Variants in SPAG16 observed in about 807,000 individuals in gnomAD.
SPAG16 encodes sperm-associated antigen 16 protein.
In SPAG16, 86 loss-of-function variants were observed where a neutral mutation model predicts 80.4. The observed-to-expected ratio is 1.07, with a 90% CI of 0.90 to 1.28. The LOEUF (loss-of-function observed/expected upper bound fraction) is 1.28, where lower values mean the gene tolerates loss of function less well. SPAG16 is among the 50% of genes most tolerant of loss of function. The pLI is 0.00. For synonymous variants in SPAG16, 294 were observed against 265.9 expected (o/e 1.11, Z -1.03); for missense variants, 870 against 765.3 (o/e 1.14, Z -1.61).
intron 9 of SPAG16, among the ~76,000 whole-genome samples, chr2:213,442,465 C>T (rs1473429134): frequency 6.6e-6 from 1 of 152,068 alleles, no homozygotes; most frequent in African/African-American, 2.4e-5. Flanking sequence ...ACAGCCAACA[C>T]AGTATGAAGG....
intron 10 of SPAG16, among the ~76,000 whole-genome samples, chr2:213,770,149 T>C (rs975628913): frequency 6.6e-6 from 1 of 152,228 alleles, no homozygotes; most frequent in East Asian, 1.9e-4. Flanking sequence ...TATATGTGTA[T>C]TAATAGGCAC....
chr2:213,724,831 G>T (rs1282848984), intron 10 of SPAG16, among the ~76,000 whole-genome samples: 2 of 139,626 alleles, frequency 1.4e-5, no homozygotes, highest in African/African-American at 5.1e-5. Context: ...TTTAATTGAT[G>T]AGTATGAAAA....
chr2:213,970,174 C>T (rs1410621905), intron 12 of SPAG16, among the ~76,000 whole-genome samples: 2 of 152,056 alleles, frequency 1.3e-5, no homozygotes, highest in African/African-American at 4.8e-5. Flanking sequence ...GATGCCATAT[C>T]TTAATACTCT....
chr2:214,254,844 G>GT (rs570411179), intron 15 of SPAG16, among the ~76,000 whole-genome samples: 9 of 151,402 alleles, frequency 5.9e-5, no homozygotes, highest in South Asian at 2.1e-4. Flanking sequence ...ACTAAGATTG[G>GT]TTTTTTTTAT....
chr2:214,011,284 A>T (rs1194565755), intron 12 of SPAG16, among the ~76,000 whole-genome samples: 1 of 146,438 alleles, frequency 6.8e-6, no homozygotes, highest in Non-Finnish European at 1.5e-5. Flanking sequence ...TTTTAGATTC[A>T]TTAAAAATAG....
At chr2:213,936,065 C>T (rs1003047514) in intron 12 of SPAG16, among the ~76,000 whole-genome samples, 3 of 152,124 alleles carry the variant, frequency 2.0e-5, no homozygotes, top group Admixed American at 1.3e-4. Context: ...ACAGGAAGGT[C>T]GAGAAAATTC....
chr2:213,779,568 AG>A (rs1383056085), intron 10 of SPAG16, among the ~76,000 whole-genome samples: 2 of 152,152 alleles, frequency 1.3e-5, no homozygotes, highest in African/African-American at 4.8e-5. Flanking sequence ...AAAGAGGGAG[AG>A]GTAACCGCTC....
At chr2:214,119,248 G>A (rs148336364) in intron 14 of SPAG16, among the ~76,000 whole-genome samples, 3,689 of 152,012 alleles carry the variant, frequency 0.024, 97 homozygotes, top group South Asian at 0.13. Context: ...ATTAGAGCTC[G>A]GATGTCTTAA....
intron 15 of SPAG16, among the ~76,000 whole-genome samples, chr2:214,316,453 A>G (rs1695697804): frequency 6.6e-6 from 1 of 152,118 alleles, no homozygotes. Flanking sequence ...CTTGCTTATA[A>G]TGCTATTGGT....
chr2:214,250,733 GAT>G (rs59644776), intron 15 of SPAG16, among the ~76,000 whole-genome samples: 2,388 of 112,174 alleles, frequency 0.021, 38 homozygotes, highest in African/African-American at 0.044. Context: ...GGAGCTTTGA[GAT>G]ATATATATAT....
rs1296184345 is a variant in SPAG16, at chr2:214,013,989, C to A, written c.1439C>A (p.Ser480Tyr). The stretch of plus-strand genomic sequence containing the variant: ...TGTACTTTGTATGGACATACAGATT[C>A]TGTGAACAGCATTGAGTTTTTTCCT... ...CRCTLYGHTD[S>Y]VNSIEFFPFS... The change falls in exon 13 of 16, where the codon TCT (serine) becomes TAT (tyrosine). Residue 480 changes from serine (S) to tyrosine (Y), a missense_variant. Ser to Tyr is a moderately radical substitution (Grantham distance 144, BLOSUM62 -2). Coordinates refer to ENST00000331683, the MANE Select transcript of SPAG16 (RefSeq NM_024532.5). 1.2e-6 allele frequency: 2 copies of A among 1,613,412 alleles called. No homozygotes were observed. The highest frequency in any genetic ancestry group is 4.5e-5 in the East Asian group (2 of 44,806).
intron 15 of SPAG16, among the ~76,000 whole-genome samples, chr2:214,302,456 G>T (rs1373660093): frequency 1.3e-5 from 2 of 152,050 alleles, no homozygotes; most frequent in Non-Finnish European, 2.9e-5. Flanking sequence ...TAGGGCTAGT[G>T]TAATAGTATT....
intron 9 of SPAG16, among the ~76,000 whole-genome samples, chr2:213,489,052 G>A (rs1446388692): frequency 7.1e-6 from 1 of 140,932 alleles, no homozygotes; most frequent in Non-Finnish European, 1.5e-5. Flanking sequence ...TCCATCCTGG[G>A]CAACAAAGCG....
chr2:213,490,872 C>A (rs901897533), intron 10 of SPAG16, among the ~76,000 whole-genome samples: 1 of 152,078 alleles, frequency 6.6e-6, no homozygotes, highest in African/African-American at 2.4e-5. Flanking sequence ...TTTGTAATTG[C>A]TCCTATTATA....
rs556471700 is a variant in SPAG16, at chr2:214,355,860, C to A, written c.1721-54280C>A. On this transcript the variant is annotated intron_variant, in intron 15 of 15. Transcript: ENST00000331683. ...ATGCAGCCATAAAAAATGATGAGTTCATGTCCTTTGTAGGGACATGGATGA... is the reference window on the plus strand; with the variant it reads ...ATGCAGCCATAAAAAATGATGAGTTAATGTCCTTTGTAGGGACATGGATGA... Among the ~76,000 whole-genome samples, 664 of 151,256 alleles carry A rather than the reference C, an allele frequency of 4.4e-3. 4 individuals carry two copies. Among genetic ancestry groups the A allele is most frequent in the African/African-American group, 0.015 (632 of 41,226 alleles).
At chr2:213,566,917 A>G (rs2125996871) in intron 10 of SPAG16, among the ~76,000 whole-genome samples, 1 of 152,292 alleles carries the variant, frequency 6.6e-6, no homozygotes, top group East Asian at 1.9e-4. Flanking sequence ...AATTTTCTGA[A>G]CACATCTTTT....
At chr2:214,139,255 G>A (rs13416158) in intron 14 of SPAG16, among the ~76,000 whole-genome samples, 107,241 of 151,974 alleles carry the variant, frequency 0.71, 38,948 homozygotes, top group East Asian at 0.97. Flanking sequence ...AGAATTAACA[G>A]TGAACATTAA....
chr2:213,714,439 G>T (rs2066142906), intron 10 of SPAG16, among the ~76,000 whole-genome samples: 1 of 152,130 alleles, frequency 6.6e-6, no homozygotes, highest in Admixed American at 6.5e-5. Context: ...CCCTAGAGGG[G>T]AGACAGAAAT....
intron 5 of SPAG16, among the ~76,000 whole-genome samples, chr2:213,319,835 A>C (rs967305267): frequency 2.0e-5 from 3 of 152,018 alleles, no homozygotes; most frequent in Non-Finnish European, 4.4e-5. Context: ...GCAGATTATT[A>C]ACTTAATGTT....
Sources: allele counts gnomAD v4.1 joint callset (sites outside exome capture counted in the v4.1 genomes callset), GRCh38; gene constraint gnomAD v4.1.1; transcripts MANE v1.5; gene names NCBI Gene and HGNC (gene_info 2026-07-23, HGNC 2026-07-21).